PTPRD: variants seen among roughly 807,000 people sequenced by gnomAD.
The protein encoded by PTPRD is receptor-type tyrosine-protein phosphatase delta.
Under a neutral mutation model 214.5 loss-of-function variants are expected in PTPRD, and 34 were observed. The ratio of observed to expected loss-of-function variants is 0.16; its 90% CI spans 0.12 to 0.21. The LOEUF (loss-of-function observed/expected upper bound fraction) is 0.21. Ranked by LOEUF, PTPRD falls within the 10% of genes least tolerant of loss-of-function variation. The pLI is 1.00. For missense variants in PTPRD, 2,545 were observed against 2,398.7 expected (o/e 1.06, Z -1.27); for synonymous variants, 1,128 against 845.7 (o/e 1.33, Z -5.79).
intron 12 of PTPRD, chr9:8,713,173 C>T (rs1205202815): frequency 1.8e-6 from 1 of 562,620 alleles, no homozygotes; most frequent in Non-Finnish European, 3.1e-6. Context: ...GCATAACTGT[C>T]AGTGCCAGAA....
At chr9:10,359,027 C>T (rs540417150) in intron 2 of PTPRD, among the ~76,000 whole-genome samples, 1 of 151,848 alleles carries the variant, frequency 6.6e-6, no homozygotes, top group African/African-American at 2.4e-5. Context: ...TTTTTCCTTG[C>T]CTATGTGTGT....
chr9:9,932,290 G>A (rs544750023), intron 5 of PTPRD, among the ~76,000 whole-genome samples: 2,808 of 147,418 alleles, frequency 0.019, 37 homozygotes, highest in Non-Finnish European at 0.03. Context: ...AGCTACGGGA[G>A]GACATTCAAA....
chr9:9,372,713 G>T (rs1253693440), intron 9 of PTPRD, among the ~76,000 whole-genome samples: 1 of 152,092 alleles, frequency 6.6e-6, no homozygotes, highest in African/African-American at 2.4e-5. Context: ...AGCCTTGATG[G>T]TCTTTACAAT....
intron 11 of PTPRD, among the ~76,000 whole-genome samples, chr9:8,800,225 CT>C (rs536683658): frequency 3.6e-4 from 54 of 151,956 alleles, no homozygotes; most frequent in Non-Finnish European, 6.0e-4. Context: ...ATTTTTTTGG[CT>C]TTTTTTAAGG....
chr9:8,570,693 T>C (rs2154233051), intron 14 of PTPRD, among the ~76,000 whole-genome samples: 1 of 152,250 alleles, frequency 6.6e-6, no homozygotes, highest in Non-Finnish European at 1.5e-5. Context: ...CTCAATGTTG[T>C]GATGGAATCA....
rs375637081 is a variant in PTPRD at position 8,584,327 on chromosome 9, C to A, written c.352+48990G>T. On this transcript the variant is annotated intron_variant, in intron 14 of 45. Transcript: ENST00000381196. ...CTATAAATACGATGTCTTTTCTGGT[C>A]ACATCTTGCAACCAAACCCCAGACC... 7.2e-5 allele frequency among the ~76,000 whole-genome samples: 11 copies of A among 151,982 alleles called. No homozygotes were observed. In the East Asian group the frequency reaches 1.2e-3, roughly 16 times the overall value.
chr9:10,489,565 G>A (rs1159515454), intron 2 of PTPRD, among the ~76,000 whole-genome samples: 7 of 152,144 alleles, frequency 4.6e-5, no homozygotes, highest in Non-Finnish European at 8.8e-5. Context: ...TGCCTTTCAA[G>A]TTTATTTAGA....
chr9:9,819,352 C>A (rs562520202), intron 5 of PTPRD, among the ~76,000 whole-genome samples: 1 of 152,182 alleles, frequency 6.6e-6, no homozygotes, highest in East Asian at 1.9e-4. Flanking sequence ...GATGAAGCCC[C>A]AAATGAACTT....
intron 8 of PTPRD, among the ~76,000 whole-genome samples, chr9:9,511,010 T>C (rs966108253): frequency 1.3e-5 from 2 of 151,744 alleles, no homozygotes; most frequent in African/African-American, 4.8e-5. Flanking sequence ...CCAAAATTAA[T>C]GAAGTCGAGC....
intron 8 of PTPRD, among the ~76,000 whole-genome samples, chr9:9,413,978 G>C (rs1337210586): frequency 6.6e-6 from 1 of 152,210 alleles, no homozygotes; most frequent in African/African-American, 2.4e-5. Context: ...TTCAGGGAAA[G>C]AGTAGAATTT....
chr9:10,009,506 G>A (rs1228135641), intron 4 of PTPRD, among the ~76,000 whole-genome samples: 1 of 151,944 alleles, frequency 6.6e-6, no homozygotes, highest in Non-Finnish European at 1.5e-5. Flanking sequence ...TATACACCTA[G>A]AAGCAATAGA....
At chr9:10,177,465 G>A (rs925934576) in intron 3 of PTPRD, among the ~76,000 whole-genome samples, 2 of 145,588 alleles carry the variant, frequency 1.4e-5, no homozygotes, top group Admixed American at 1.4e-4. Context: ...AAAAAAAAAA[G>A]ACTGACACTA....
chr9:8,766,280 C>A (rs577939248), intron 11 of PTPRD, among the ~76,000 whole-genome samples: 1 of 151,716 alleles, frequency 6.6e-6, no homozygotes, highest in Non-Finnish European at 1.5e-5. Flanking sequence ...CCTCTGGGTA[C>A]TTGGTTTCCT....
chr9:10,058,082 A>G (rs2097692482), intron 3 of PTPRD, among the ~76,000 whole-genome samples: 1 of 152,080 alleles, frequency 6.6e-6, no homozygotes, highest in Non-Finnish European at 1.5e-5. Flanking sequence ...AAGAGTGGAA[A>G]TGTAATAAAT....
chr9:10,404,484 T>C (rs1197035991), intron 2 of PTPRD, among the ~76,000 whole-genome samples: 3 of 151,790 alleles, frequency 2.0e-5, no homozygotes, highest in Non-Finnish European at 4.4e-5. Flanking sequence ...TACATAATCT[T>C]TGTTAATTAA....
At chr9:8,671,063 A>G (rs1037592048) in intron 12 of PTPRD, among the ~76,000 whole-genome samples, 1 of 152,208 alleles carries the variant, frequency 6.6e-6, no homozygotes, top group Non-Finnish European at 1.5e-5. Flanking sequence ...ACATTCTTGT[A>G]TATTCCATTT....
At chr9:9,676,272 C>T (rs2096927593) in intron 7 of PTPRD, among the ~76,000 whole-genome samples, 1 of 142,228 alleles carries the variant, frequency 7.0e-6, no homozygotes, top group Non-Finnish European at 1.5e-5. Context: ...GCTATCCCTC[C>T]ACCCTCCCCC....
chr9:9,037,380 T>C (rs1301885230), intron 10 of PTPRD, among the ~76,000 whole-genome samples: 2 of 152,068 alleles, frequency 1.3e-5, no homozygotes, highest in Non-Finnish European at 2.9e-5. Context: ...ATAGAGACAA[T>C]AGTTTGTGTT....
At chr9:10,077,711 T>C (rs1256773978) in intron 3 of PTPRD, among the ~76,000 whole-genome samples, 1 of 152,118 alleles carries the variant, frequency 6.6e-6, no homozygotes, top group Non-Finnish European at 1.5e-5. Context: ...ATGTACTCAA[T>C]ATTTAGCTCC....
Sources: gnomAD v4.1 joint callset for allele counts (sites outside exome capture counted in the v4.1 genomes callset) on GRCh38, gnomAD v4.1.1 for gene constraint, MANE v1.5 for transcripts, NCBI Gene and HGNC (gene_info 2026-07-23, HGNC 2026-07-21) for gene names.